The following SNX13 variants were observed in gnomAD, a reference collection of about 807,000 sequenced individuals.
SNX13 encodes the protein sorting nexin-13.
A neutral mutation model predicts 133.6 loss-of-function variants in SNX13; 45 were observed. The observed-to-expected ratio is 0.34, with a 90% CI of 0.27 to 0.43. SNX13 has a LOEUF of 0.43. Among genes scored for constraint, SNX13 ranks in the 20% least tolerant of loss-of-function variants. The probability of loss-of-function intolerance (pLI) is 1.00; values close to 1 mark genes in which losing one functional copy is unlikely to be tolerated. For missense variants in SNX13, 1,032 were observed against 1,145.1 expected, an observed-to-expected ratio of 0.90 and a Z score of 1.43; for synonymous variants, 414 against 373.9, an observed-to-expected ratio of 1.11 and a Z score of -1.24.
chr7:17,806,313 AGG>A (rs1785291751), intron 20 of SNX13, among the ~76,000 whole-genome samples: 1 of 152,248 alleles, frequency 6.6e-6, no homozygotes, highest in African/African-American at 2.4e-5. Context: ...TTCCAAAGCT[AGG>A]ATACATTGTG....
At chr7:17,870,079 G>A (rs1232009828) in intron 8 of SNX13, among the ~76,000 whole-genome samples, 1 of 152,126 alleles carries the variant, frequency 6.6e-6, no homozygotes, top group Non-Finnish European at 1.5e-5. Context: ...AGGTCCTAGT[G>A]AGAGCTCTAA....
chr7:17,818,587 T>C (rs916505793), intron 18 of SNX13, among the ~76,000 whole-genome samples: 10 of 152,152 alleles, frequency 6.6e-5, no homozygotes, highest in African/African-American at 2.2e-4. Context: ...CCCTGAAAAG[T>C]AATATAATCC....
intron 12 of SNX13, among the ~76,000 whole-genome samples, chr7:17,844,702 C>T (rs1790290231): frequency 6.6e-6 from 1 of 150,950 alleles, no homozygotes. Context: ...TACACCATGA[C>T]TAAGGTGGCA....
intron 20 of SNX13, among the ~76,000 whole-genome samples, chr7:17,808,812 A>G (rs1466608586): frequency 6.6e-6 from 1 of 152,018 alleles, no homozygotes; most frequent in Non-Finnish European, 1.5e-5. Flanking sequence ...AACATTCTTA[A>G]AAAAAAAGAA....
intron 1 of SNX13, among the ~76,000 whole-genome samples, chr7:17,908,918 A>AAGATTAGTC (rs1237182372): frequency 6.6e-6 from 1 of 152,188 alleles, no homozygotes; most frequent in Non-Finnish European, 1.5e-5. Context: ...TGCGACACCT[A>AAGATTAGTC]AGATTAGTCT....
intron 8 of SNX13, among the ~76,000 whole-genome samples, chr7:17,872,455 T>C (rs1202263815): frequency 6.6e-6 from 1 of 152,208 alleles, no homozygotes; most frequent in Non-Finnish European, 1.5e-5. Flanking sequence ...TGACTAGTAC[T>C]ATCTTCCTTA....
intron 22 of SNX13, 137 bp from the exon 23 acceptor site, chr7:17,799,291 T>A: frequency 1.5e-6 from 1 of 668,556 alleles, no homozygotes; most frequent in Non-Finnish European, 2.3e-6. Flanking sequence ...AACTTGACAT[T>A]AAATTCTAAT....
chr7:17,827,503 A>T (rs566065908), intron 16 of SNX13, among the ~76,000 whole-genome samples: 1 of 152,084 alleles, frequency 6.6e-6, no homozygotes, highest in African/African-American at 2.4e-5. Flanking sequence ...TTCTAAGAAG[A>T]AGGCCAAAAA....
chr7:17,898,576 C>G (rs912663333), intron 1 of SNX13, among the ~76,000 whole-genome samples: 1 of 152,136 alleles, frequency 6.6e-6, no homozygotes, highest in African/African-American at 2.4e-5. Context: ...CACAAGCATA[C>G]CCACATAAGT....
chr7:17,921,355 G>T (rs1800110039), intron 1 of SNX13, among the ~76,000 whole-genome samples: 1 of 152,142 alleles, frequency 6.6e-6, no homozygotes, highest in Middle Eastern at 3.2e-3. Flanking sequence ...CCACTGTACT[G>T]TTCTTGCTTT....
At chr7:17,852,855 A>G (rs1791401886) in intron 9 of SNX13, among the ~76,000 whole-genome samples, 1 of 152,246 alleles carries the variant, frequency 6.6e-6, no homozygotes, top group African/African-American at 2.4e-5. Flanking sequence ...AGATACATGG[A>G]TATTTCATCC....
intron 20 of SNX13, among the ~76,000 whole-genome samples, chr7:17,807,582 A>C (rs2691589): frequency 0.62 from 93,828 of 152,126 alleles, 30,575 homozygotes; most frequent in African/African-American, 0.83. Context: ...CTGAAGAGAG[A>C]GGCAGATCTC....
chr7:17,865,729 C>T (rs1793316597), intron 9 of SNX13, among the ~76,000 whole-genome samples: 1 of 152,154 alleles, frequency 6.6e-6, no homozygotes, highest in Non-Finnish European at 1.5e-5. Flanking sequence ...CATTACTTGA[C>T]TTCAAATTAT....
At chr7:17,888,151 A>G (rs1188822493) in intron 5 of SNX13, 1 of 152,140 alleles carries the variant, frequency 6.6e-6, no homozygotes, top group Non-Finnish European at 1.5e-5. Flanking sequence ...CCAACAATTA[A>G]TGAGTTTTAC....
At chr7:17,864,858 A>G (rs1793187814) in intron 9 of SNX13, among the ~76,000 whole-genome samples, 1 of 152,104 alleles carries the variant, frequency 6.6e-6, no homozygotes, top group Admixed American at 6.5e-5. Flanking sequence ...CAGCAGCAGC[A>G]GCAAATAACA....
At chr7:17,824,127 T>A (rs1787608303) in intron 17 of SNX13, among the ~76,000 whole-genome samples, 1 of 152,166 alleles carries the variant, frequency 6.6e-6, no homozygotes, top group Non-Finnish European at 1.5e-5. Flanking sequence ...ATTAGGCCAA[T>A]GTTACTCATA....
rs185107951 is a variant in SNX13 at position 17,875,825 on chromosome 7, A to G, written c.441-35T>C. 3.7e-5 allele frequency: 54 copies of G among 1,477,374 alleles called. No homozygotes were observed. In the East Asian group the frequency reaches 8.8e-4, roughly 24 times the overall value. The allele number at this position is 1,477,374 out of a possible 1,614,324, so 91.5% of individuals were successfully genotyped here. ...AACACATTACATAAAAGGATTATAT[A>G]AATGCTTTATCAGAAAATATAAATT... On this transcript the variant is annotated intron_variant, in intron 5 of 25. Transcript: ENST00000428135.
chr7:17,854,623 G>T (rs954924680), intron 9 of SNX13, among the ~76,000 whole-genome samples: 4 of 152,008 alleles, frequency 2.6e-5, no homozygotes, highest in Non-Finnish European at 5.9e-5. Context: ...ATCTACTATG[G>T]TGATCAGTGA....
At chr7:17,860,422 T>C (rs1473775386) in intron 9 of SNX13, among the ~76,000 whole-genome samples, 1 of 152,226 alleles carries the variant, frequency 6.6e-6, no homozygotes, top group African/African-American at 2.4e-5. Flanking sequence ...TTTTCTCCCA[T>C]TGTATAGGGT....
Sources: allele counts gnomAD v4.1 joint callset (sites outside exome capture counted in the v4.1 genomes callset), GRCh38; gene constraint gnomAD v4.1.1; transcripts MANE v1.5; gene names NCBI Gene and HGNC (gene_info 2026-07-23, HGNC 2026-07-21).